Variants in UNC93A observed in about 807,000 individuals in gnomAD.
UNC93A encodes the protein unc-93 homolog A.
In UNC93A, 43 loss-of-function variants were observed where a neutral mutation model predicts 47.5. The observed-to-expected ratio is 0.91, with a 90% CI of 0.71 to 1.17. UNC93A has a LOEUF of 1.17. UNC93A is among the 50% of genes most tolerant of loss of function. The pLI, the probability that UNC93A is intolerant of heterozygous loss-of-function variation, is 0.00. For synonymous variants in UNC93A, 280 were observed against 258.0 expected (o/e 1.09, Z -0.82); for missense variants, 605 against 577.6 (o/e 1.05, Z -0.49).
chr6:167,307,861 C>T lies in UNC93A; in HGVS notation c.1059C>T (p.Phe353=). ...ACCATCTGGCAGTGTTCTTCGTATT[C>T]TCTGGCCTGTGGGGCGTGGCAGATG... ...RADHLAVFFV[F]SGLWGVADAV... Residue 353 remains phenylalanine (F), a synonymous_variant, in exon 7 of 8, where the codon TTC becomes TTT. Transcript: ENST00000230256. The T allele has an allele frequency of 6.2e-7, 1 of 1,614,098 alleles. No individual in the cohort carries two copies. The highest frequency in any genetic ancestry group is 8.5e-7 in the Non-Finnish European group (1 of 1,179,978).
intron 1 of UNC93A, among the ~76,000 whole-genome samples, chr6:167,280,550 T>TA (rs1783614975): frequency 6.6e-6 from 1 of 152,088 alleles, no homozygotes; most frequent in Admixed American, 6.5e-5. Flanking sequence ...ATGGATAATT[T>TA]AAAAAGAATT....
intron 4 of UNC93A, among the ~76,000 whole-genome samples, chr6:167,302,925 G>A (rs1007859867): frequency 3.9e-5 from 6 of 152,084 alleles, no homozygotes; most frequent in East Asian, 1.9e-4. Flanking sequence ...ATCTCTTGCC[G>A]TCCTGCTCAC....
chr6:167,298,566 T>A (rs1778155691), intron 4 of UNC93A, among the ~76,000 whole-genome samples: 1 of 150,924 alleles, frequency 6.6e-6, no homozygotes, highest in African/African-American at 2.5e-5. Flanking sequence ...GTACCTTCTG[T>A]GGAAAGGCTA....
At chr6:167,294,990 G>A (rs1778013668) in intron 2 of UNC93A, among the ~76,000 whole-genome samples, 1 of 152,124 alleles carries the variant, frequency 6.6e-6, no homozygotes, top group Non-Finnish European at 1.5e-5. Context: ...CCCCTGGCTG[G>A]GCGAGGGTTC....
chr6:167,313,802 T>G (rs1450180189), intron 7 of UNC93A, among the ~76,000 whole-genome samples: 1 of 152,150 alleles, frequency 6.6e-6, no homozygotes, highest in Non-Finnish European at 1.5e-5. Context: ...AACCTTGGTT[T>G]TGGATCCCAT....
chr6:167,299,136 A>AAAATG lies in UNC93A; in HGVS notation c.625+1066_625+1067insAAATG, dbSNP rs3046653. ...CCATCTCAAAAAAAAAAAAATACAC[A>AAAATG]CACACACACACACACATATTTATAT... On this transcript the variant is annotated intron_variant, in intron 4 of 7. Coordinates refer to ENST00000230256, the MANE Select transcript of UNC93A (RefSeq NM_018974.4). 1.8e-4 allele frequency among the ~76,000 whole-genome samples: 20 copies of AAAATG among 112,888 alleles called. 2 individuals carry two copies. The highest frequency in any genetic ancestry group is 9.7e-4 in the East Asian group (3 of 3,092). 74.1% of individuals were successfully genotyped at this position (112,888 alleles called of 152,430 possible). A position where few individuals can be genotyped will look rare whatever the true frequency, so the allele number is the denominator to read the frequency against.
intron 7 of UNC93A, among the ~76,000 whole-genome samples, chr6:167,313,314 A>G (rs1034221058): frequency 1.3e-5 from 2 of 152,112 alleles, no homozygotes; most frequent in East Asian, 1.9e-4. Flanking sequence ...TTTGTTGTAG[A>G]TCTCCTCACT....
At chr6:167,300,511 T>G (rs899924119) in intron 4 of UNC93A, among the ~76,000 whole-genome samples, 2 of 152,088 alleles carry the variant, frequency 1.3e-5, no homozygotes, top group Admixed American at 6.5e-5. Context: ...AGGCTGTTGA[T>G]GCCCATCAGG....
intron 3 of UNC93A, among the ~76,000 whole-genome samples, 164 bp from the exon 4 acceptor site, chr6:167,297,781 C>T (rs563853038): frequency 1.0e-3 from 156 of 152,264 alleles, no homozygotes; most frequent in Non-Finnish European, 2.0e-3. Flanking sequence ...TGCCTAGACT[C>T]GATCTAAATC....
chr6:167,271,206 C>T (rs901316594), exon 1 of UNC93A: 1 of 148,466 alleles, frequency 6.7e-6, no homozygotes, highest in African/African-American at 2.5e-5. Context: ...GACAGAGAAC[C>T]TCAACAGGAG....
At chr6:167,291,619 C>T in intron 1 of UNC93A, 43 bp downstream of exon 1, 2 of 1,547,988 alleles carry the variant, frequency 1.3e-6, no homozygotes, top group Non-Finnish European at 1.8e-6. Context: ...TTCTTGGCCT[C>T]CAAGAATCCC....
At chr6:167,297,223 G>A (rs1318356235) in intron 3 of UNC93A, among the ~76,000 whole-genome samples, 1 of 152,176 alleles carries the variant, frequency 6.6e-6, no homozygotes, top group Admixed American at 6.5e-5. Flanking sequence ...AGTCAGCACA[G>A]GACACAGAAT....
At chr6:167,311,007 C>T (rs1255997692) in intron 7 of UNC93A, among the ~76,000 whole-genome samples, 1 of 152,224 alleles carries the variant, frequency 6.6e-6, no homozygotes, top group African/African-American at 2.4e-5. Context: ...GGCTGGCTCT[C>T]CATGCAGCAC....
At chr6:167,293,330 C>A (rs1190266425) in intron 1 of UNC93A, among the ~76,000 whole-genome samples, 2 of 152,158 alleles carry the variant, frequency 1.3e-5, no homozygotes, top group African/African-American at 2.4e-5. Flanking sequence ...GGAGCCAGAC[C>A]TCCCTCTCTG....
chr6:167,273,886 C>T (rs111543566), intron 1 of UNC93A, among the ~76,000 whole-genome samples: 46,543 of 151,050 alleles, frequency 0.31, 7,448 homozygotes, highest in African/African-American at 0.36. Flanking sequence ...AAGGTCCTTA[C>T]TATGCTGATG....
In UNC93A at chr6:167,315,386, G is replaced by A. The variant is rs147514798; in HGVS notation, c.1308G>A (p.Pro436=). 1.3e-5 allele frequency: 21 copies of A among 1,613,918 alleles called. No homozygotes were observed. The highest frequency in any genetic ancestry group is 4.5e-5 in the East Asian group (2 of 44,872). The part of the protein sequence containing the change: ...GLVECVESKN[P]IRPHAPGQVN... ...TGGAGTGCGTGGAGTCCAAGAACCC[G>A]ATCAGACCCCACGCTCCAGGACAGG... is the stretch of plus-strand genomic sequence containing the variant. Residue 436 remains proline (P), a synonymous_variant, in exon 8 of 8, where the codon CCG becomes CCA. Transcript: ENST00000230256.
intron 7 of UNC93A, 152 bp from the exon 8 acceptor site, chr6:167,315,035 T>C (rs920877304): frequency 2.5e-6 from 3 of 1,184,264 alleles, no homozygotes; most frequent in African/African-American, 3.1e-5. Flanking sequence ...GTTCATGCTA[T>C]CATCTGGCAT....
chr6:167,274,715 C>T (rs1783509621), intron 1 of UNC93A, among the ~76,000 whole-genome samples: 1 of 152,136 alleles, frequency 6.6e-6, no homozygotes, highest in Non-Finnish European at 1.5e-5. Context: ...AGCTTTGTTT[C>T]CTCATCCTTA....
At chr6:167,286,470 CG>C (rs1783734950), upstream of UNC93A, among the ~76,000 whole-genome samples, 1 of 152,194 alleles carries the variant, frequency 6.6e-6, no homozygotes, top group South Asian at 2.1e-4. Context: ...AGAAGCCACG[CG>C]CTGCAATAGC....
Sources: gnomAD v4.1 joint callset for allele counts (sites outside exome capture counted in the v4.1 genomes callset) on GRCh38, gnomAD v4.1.1 for gene constraint, MANE v1.5 for transcripts, NCBI Gene and HGNC (gene_info 2026-07-23, HGNC 2026-07-21) for gene names.